The following DRD3 variants were observed in gnomAD, a reference collection of about 807,000 sequenced individuals.
The protein encoded by DRD3 is D(3) dopamine receptor.
In DRD3, 19 loss-of-function variants were observed where a neutral mutation model predicts 36.3. The observed-to-expected ratio is 0.52, with a 90% confidence interval of 0.36 to 0.77. The LOEUF is 0.77. DRD3 is among the 30% of genes least tolerant of loss of function. The probability of loss-of-function intolerance (pLI) is 0.00; values close to 1 mark genes in which losing one functional copy is unlikely to be tolerated. For synonymous variants in DRD3, 195 were observed against 203.7 expected (o/e 0.96, Z 0.36); for missense variants, 465 against 505.3 (o/e 0.92, Z 0.77).
At chr3:114,140,574 T>C (rs1321032509) in intron 4 of DRD3, among the ~76,000 whole-genome samples, 1 of 152,206 alleles carries the variant, frequency 6.6e-6, no homozygotes, top group Admixed American at 6.5e-5. Flanking sequence ...GGCAACGTTA[T>C]ATGAGACAGG....
chr3:114,175,026 T>G (rs1342585881), intron 1 of DRD3, among the ~76,000 whole-genome samples: 4 of 152,192 alleles, frequency 2.6e-5, no homozygotes, highest in Non-Finnish European at 4.4e-5. Flanking sequence ...TTGGCACTAC[T>G]GACAATTTGG....
intron 1 of DRD3, among the ~76,000 whole-genome samples, chr3:114,177,246 A>G (rs987481136): frequency 6.6e-6 from 1 of 152,212 alleles, no homozygotes; most frequent in East Asian, 1.9e-4. Context: ...TAGCATTTCT[A>G]TGCTACTTTC....
intron 5 of DRD3, among the ~76,000 whole-genome samples, chr3:114,133,343 C>A (rs541742555): frequency 1.3e-5 from 2 of 152,170 alleles, no homozygotes; most frequent in East Asian, 1.9e-4. Flanking sequence ...TGAAATAATA[C>A]GGTGTTTAGT....
At chr3:114,168,672 T>A (rs2077809963) in intron 2 of DRD3, among the ~76,000 whole-genome samples, 1 of 151,956 alleles carries the variant, frequency 6.6e-6, no homozygotes, top group Admixed American at 6.6e-5. Flanking sequence ...TTGCCAAGGA[T>A]GGTGAAGAGG....
upstream of DRD3, among the ~76,000 whole-genome samples, chr3:114,183,606 G>C (rs140341743): frequency 6.6e-6 from 1 of 151,862 alleles, no homozygotes; most frequent in Non-Finnish European, 1.5e-5. Flanking sequence ...TTGATCGTCT[G>C]TTATGAGGCA....
intron 2 of DRD3, among the ~76,000 whole-genome samples, chr3:114,169,331 G>A (rs1276773603): frequency 6.7e-6 from 1 of 148,776 alleles, no homozygotes; most frequent in Non-Finnish European, 1.5e-5. Flanking sequence ...CCTCTTTTTG[G>A]TCTTACCAAC....
At chr3:114,179,170 T>C (rs1019347976), upstream of DRD3, 1 of 152,212 alleles carries the variant, frequency 6.6e-6, no homozygotes, top group African/African-American at 2.4e-5. Flanking sequence ...ACTCTCACCT[T>C]CCTCAGTTTA....
chr3:114,198,755 A>G (rs2078049964), intron 1 of DRD3, among the ~76,000 whole-genome samples: 1 of 152,016 alleles, frequency 6.6e-6, no homozygotes, highest in Non-Finnish European at 1.5e-5. Flanking sequence ...TTGTTTTTTT[A>G]GAGGCAAGGT....
chr3:114,131,384 G>A lies in DRD3; in HGVS notation c.740C>T (p.Pro247Leu), dbSNP rs774890470. 13 of 1,613,350 alleles carry A rather than the reference G, an allele frequency of 8.1e-6. No individual in the cohort carries two copies. The highest frequency in any genetic ancestry group is 3.3e-5 in the South Asian group (3 of 91,060). The change falls in exon 6 of 7, where the codon CCG becomes CTG. Residue 247 changes from proline to leucine, a missense_variant. Coordinates refer to ENST00000383673, the MANE Select transcript of DRD3 (RefSeq NM_000796.6). ...GTAACGCTTCAGCTCCAGATGTGCCGGGTCAGGAGAGAGGGTCTGCAGGTG... is the reference window on the plus strand; with the variant it reads ...GTAACGCTTCAGCTCCAGATGTGCCAGGTCAGGAGAGAGGGTCTGCAGGTG... Reference protein sequence around the residue: ...GFPQQTLSPDPAHLELKRYYS... With the variant: ...GFPQQTLSPDLAHLELKRYYS...
At chr3:114,196,986 C>CT (rs541199651) in intron 1 of DRD3, among the ~76,000 whole-genome samples, 1,572 of 142,848 alleles carry the variant, frequency 0.011, 30 homozygotes, top group African/African-American at 0.037. Flanking sequence ...TTCTTTTTTT[C>CT]TTTTTTTTTT....
At chr3:114,156,950 TTTC>T (rs1409202697) in intron 3 of DRD3, among the ~76,000 whole-genome samples, 1 of 150,086 alleles carries the variant, frequency 6.7e-6, no homozygotes, top group East Asian at 1.9e-4. Flanking sequence ...TCTTTCTTCC[TTTC>T]TTCTTTCCTT....
At chr3:114,148,355 G>C (rs1266900638) in intron 3 of DRD3, among the ~76,000 whole-genome samples, 1 of 152,122 alleles carries the variant, frequency 6.6e-6, no homozygotes, top group African/African-American at 2.4e-5. Context: ...CCTTCATTGT[G>C]ACAGCTCCTC....
At chr3:114,190,081 C>T (rs1031178074) in intron 1 of DRD3, among the ~76,000 whole-genome samples, 1 of 151,990 alleles carries the variant, frequency 6.6e-6, no homozygotes, top group Admixed American at 6.6e-5. Context: ...TGAAAATTCA[C>T]TCATAAAAAC....
At chr3:114,196,825 G>A (rs1201628594) in intron 1 of DRD3, among the ~76,000 whole-genome samples, 1 of 151,940 alleles carries the variant, frequency 6.6e-6, no homozygotes, top group East Asian at 1.9e-4. Context: ...TATATTGGAT[G>A]TTTGTTTTCT....
chr3:114,138,848 C>T (rs1361469457), intron 5 of DRD3, among the ~76,000 whole-genome samples: 1 of 152,154 alleles, frequency 6.6e-6, no homozygotes, highest in Non-Finnish European at 1.5e-5. Flanking sequence ...TGTCCCTTCC[C>T]TAGTAGATTT....
chr3:114,149,851 T>C (rs1186772829), intron 3 of DRD3, among the ~76,000 whole-genome samples: 1 of 152,230 alleles, frequency 6.6e-6, no homozygotes, highest in Non-Finnish European at 1.5e-5. Flanking sequence ...AGGAACTGAA[T>C]ACTCCTAACA....
chr3:114,133,834 A>G (rs2077452690), intron 5 of DRD3, among the ~76,000 whole-genome samples: 1 of 152,176 alleles, frequency 6.6e-6, no homozygotes, highest in South Asian at 2.1e-4. Context: ...AAAGCCAGAT[A>G]TTCACTTCAT....
In DRD3 at chr3:114,131,132, A is replaced by G. The variant is rs1300210592; in HGVS notation, c.992T>C (p.Val331Ala). 1 of 1,613,594 alleles carries G rather than the reference A, an allele frequency of 6.2e-7. No homozygotes were observed. The highest frequency in any genetic ancestry group is 8.5e-7 in the Non-Finnish European group (1 of 1,179,494). The change falls in exon 6 of 7, where the codon GTG becomes GCG. Residue 331 changes from valine (V) to alanine (A), a missense_variant. Coordinates refer to ENST00000383673, the MANE Select transcript of DRD3 (RefSeq NM_000796.6). ...CCCAAACTTACCAAGCACAATGGCC[A>G]CCATTTGGGTTGCCTTCTTCTCCCG... ...PLREKKATQM[V>A]AIVLGAFIVC... is the part of the protein sequence containing the mutation.
upstream of DRD3, among the ~76,000 whole-genome samples, chr3:114,181,015 T>A (rs546015100): frequency 9.8e-5 from 15 of 152,300 alleles, no homozygotes; most frequent in African/African-American, 3.4e-4. Flanking sequence ...TTTGAAGACA[T>A]TGTGCCTAAT....
Sources: allele counts gnomAD v4.1 joint callset (sites outside exome capture counted in the v4.1 genomes callset), GRCh38; gene constraint gnomAD v4.1.1; transcripts MANE v1.5; gene names NCBI Gene and HGNC (gene_info 2026-07-23, HGNC 2026-07-21).